The following AGMO variants were observed in gnomAD, a reference collection of about 807,000 sequenced individuals.
AGMO encodes glyceryl-ether monooxygenase.
In AGMO, 75 loss-of-function variants were observed where a neutral mutation model predicts 60.2. That is an observed-to-expected ratio of 1.25 (90% CI 1.03 to 1.51). The LOEUF (loss-of-function observed/expected upper bound fraction) is 1.51, where lower values mean the gene tolerates loss of function less well. AGMO is among the 40% of genes most tolerant of loss of function. The pLI, the probability that AGMO is intolerant of heterozygous loss-of-function variation, is 0.00. For missense variants in AGMO, 763 were observed against 525.5 expected (o/e 1.45, Z -4.42); for synonymous variants, 261 against 177.1 (o/e 1.47, Z -3.76).
At chr7:15,345,764 C>A (rs1013752143) in intron 12 of AGMO, among the ~76,000 whole-genome samples, 1 of 152,112 alleles carries the variant, frequency 6.6e-6, no homozygotes, top group Non-Finnish European at 1.5e-5. Context: ...AGCTTGATAA[C>A]TTACTTATCT....
downstream of AGMO, among the ~76,000 whole-genome samples, chr7:15,196,623 G>A (rs938726222): frequency 4.6e-5 from 7 of 152,104 alleles, no homozygotes; most frequent in South Asian, 2.1e-4. Flanking sequence ...CCTTTGGCAC[G>A]TCCTCAGTCT....
intron 12 of AGMO, among the ~76,000 whole-genome samples, chr7:15,343,548 T>C (rs1488707183): frequency 6.6e-6 from 1 of 152,136 alleles, no homozygotes; most frequent in African/African-American, 2.4e-5. Flanking sequence ...CAGGACTTAT[T>C]ACTATCAGGT....
chr7:15,327,301 T>G (rs776346253), intron 12 of AGMO, among the ~76,000 whole-genome samples: 1 of 152,180 alleles, frequency 6.6e-6, no homozygotes, highest in Non-Finnish European at 1.5e-5. Flanking sequence ...GGGGCTAGGT[T>G]TCCATGAAGA....
the AGMO span, among the ~76,000 whole-genome samples, chr7:15,173,594 A>G: frequency 1.3e-5 from 2 of 152,098 alleles, no homozygotes; most frequent in South Asian, 2.1e-4. Flanking sequence ...ATAAAAAACT[A>G]CAAATGAAAT....
At chr7:15,336,086 C>T (rs928547944) in intron 12 of AGMO, among the ~76,000 whole-genome samples, 1 of 152,116 alleles carries the variant, frequency 6.6e-6, no homozygotes, top group African/African-American at 2.4e-5. Flanking sequence ...GAGGCTAATT[C>T]AACTACTACT....
intron 12 of AGMO, among the ~76,000 whole-genome samples, chr7:15,252,123 G>C (rs539548043): frequency 2.6e-4 from 39 of 152,310 alleles, no homozygotes; most frequent in Admixed American, 3.3e-4. Flanking sequence ...AGTGAGGAAA[G>C]GGGGTTTGTT....
chr7:15,205,754 T>G (rs1781423809), intron 12 of AGMO, among the ~76,000 whole-genome samples: 1 of 152,158 alleles, frequency 6.6e-6, no homozygotes, highest in Non-Finnish European at 1.5e-5. Flanking sequence ...ATATACTTAT[T>G]TCCTAAAATT....
At chr7:15,239,120 G>A (rs1782513549) in intron 12 of AGMO, among the ~76,000 whole-genome samples, 1 of 152,106 alleles carries the variant, frequency 6.6e-6, no homozygotes, top group Non-Finnish European at 1.5e-5. Context: ...GTTATTGAAT[G>A]CCTGCTCTCC....
chr7:15,157,653 G>A, the AGMO span, among the ~76,000 whole-genome samples: 1 of 152,110 alleles, frequency 6.6e-6, no homozygotes, highest in African/African-American at 2.4e-5. Flanking sequence ...CACCTCCAAA[G>A]GGGGACAAGC....
intron 12 of AGMO, among the ~76,000 whole-genome samples, chr7:15,329,302 A>C: frequency 6.6e-6 from 1 of 152,194 alleles, no homozygotes; most frequent in East Asian, 1.9e-4. Context: ...CTTTCAGTGA[A>C]TTAAGCCATT....
chr7:15,465,339 G>A (rs540009911), intron 3 of AGMO, among the ~76,000 whole-genome samples: 6 of 150,374 alleles, frequency 4.0e-5, no homozygotes, highest in East Asian at 2.0e-4. Context: ...GTGTGTGTGC[G>A]TGTGTGTATA....
chr7:15,201,630 T>C (rs993078568), intron 12 of AGMO, among the ~76,000 whole-genome samples: 3 of 152,200 alleles, frequency 2.0e-5, no homozygotes, highest in Non-Finnish European at 4.4e-5. Flanking sequence ...GGAATGAGGC[T>C]AGACAAGTTA....
At chr7:15,240,141 C>G (rs1782548182) in intron 12 of AGMO, among the ~76,000 whole-genome samples, 1 of 152,088 alleles carries the variant, frequency 6.6e-6, no homozygotes, top group Admixed American at 6.5e-5. Context: ...AAATAAACAT[C>G]TATTTATTCA....
chr7:15,141,141 A>T, the AGMO span, among the ~76,000 whole-genome samples: 1 of 152,182 alleles, frequency 6.6e-6, no homozygotes, highest in African/African-American at 2.4e-5. Context: ...CCTAGTCCTG[A>T]TGGATTTGAC....
At chr7:15,473,840 A>C (rs1302674263) in intron 3 of AGMO, among the ~76,000 whole-genome samples, 1 of 152,190 alleles carries the variant, frequency 6.6e-6, no homozygotes, top group Admixed American at 6.5e-5. Flanking sequence ...TAAGCTGATA[A>C]GCAACTTCAG....
chr7:15,456,524 G>C (rs566928813), intron 3 of AGMO, among the ~76,000 whole-genome samples: 128 of 152,214 alleles, frequency 8.4e-4, no homozygotes, highest in African/African-American at 2.8e-3. Flanking sequence ...CTTGCCCTCA[G>C]CTCTACCTGC....
chr7:15,336,437 A>G (rs533851125), intron 12 of AGMO, among the ~76,000 whole-genome samples: 208 of 152,048 alleles, frequency 1.4e-3, no homozygotes, highest in African/African-American at 4.8e-3. Context: ...AAGAAAAAAA[A>G]ACACCAGTAA....
intron 10 of AGMO, among the ~76,000 whole-genome samples, chr7:15,380,855 CAGAGA>C (rs1293995063): frequency 2.0e-5 from 3 of 152,002 alleles, no homozygotes; most frequent in African/African-American, 7.2e-5. Flanking sequence ...TGGAACAGAA[CAGAGA>C]ACTCAGAAAT....
At chr7:15,347,113 CTT>C (rs1336664840) in intron 12 of AGMO, among the ~76,000 whole-genome samples, 2 of 152,094 alleles carry the variant, frequency 1.3e-5, no homozygotes, top group East Asian at 1.9e-4. Flanking sequence ...GAAACATTCT[CTT>C]CTCTATCCAT....
Sources: gnomAD v4.1 joint callset for allele counts (sites outside exome capture counted in the v4.1 genomes callset) on GRCh38, gnomAD v4.1.1 for gene constraint, MANE v1.5 for transcripts, NCBI Gene and HGNC (gene_info 2026-07-23, HGNC 2026-07-21) for gene names.